Variants in IQGAP2 observed in about 807,000 individuals in gnomAD.
IQGAP2 encodes the protein IQ motif containing GTPase activating protein 2.
In IQGAP2, 173 loss-of-function variants were observed where a neutral mutation model predicts 201.3. The observed-to-expected ratio is 0.86, with a 90% confidence interval of 0.76 to 0.98. The LOEUF (loss-of-function observed/expected upper bound fraction) is 0.98, where lower values mean the gene tolerates loss of function less well. Among genes scored for constraint, IQGAP2 ranks in the 50% least tolerant of loss-of-function variants. The probability of loss-of-function intolerance (pLI) is 0.00; values close to 1 mark genes in which losing one functional copy is unlikely to be tolerated. For missense variants in IQGAP2, 1,687 were observed against 1,864.8 expected, an observed-to-expected ratio of 0.90 and a Z score of 1.76; for synonymous variants, 675 against 673.9, an observed-to-expected ratio of 1.00 and a Z score of -0.03.
At chr5:76,520,832 C>G (rs1266064508) in intron 2 of IQGAP2, among the ~76,000 whole-genome samples, 1 of 151,820 alleles carries the variant, frequency 6.6e-6, no homozygotes. Flanking sequence ...GTCAGCCTCC[C>G]GAGTGGATGG....
chr5:76,698,405 T>C (rs41271842), intron 33 of IQGAP2, among the ~76,000 whole-genome samples: 233 of 152,334 alleles, frequency 1.5e-3, no homozygotes, highest in Non-Finnish European at 2.5e-3. Flanking sequence ...ATTAGTAAGT[T>C]AGGGAAGCAC....
intron 2 of IQGAP2, among the ~76,000 whole-genome samples, chr5:76,484,329 A>T (rs770531383): frequency 1.3e-5 from 2 of 152,168 alleles, no homozygotes; most frequent in African/African-American, 2.4e-5. Flanking sequence ...GCCATTGCAG[A>T]TGTGGGGGCG....
chr5:76,457,844 T>C (rs1441427591), intron 1 of IQGAP2, among the ~76,000 whole-genome samples: 1 of 152,276 alleles, frequency 6.6e-6, no homozygotes, highest in East Asian at 1.9e-4. Flanking sequence ...TTTCATAGAA[T>C]GCAATTGCTT....
chr5:76,629,151 A>G (rs1341674865), intron 14 of IQGAP2, among the ~76,000 whole-genome samples: 1 of 152,134 alleles, frequency 6.6e-6, no homozygotes, highest in Admixed American at 6.5e-5. Flanking sequence ...CACATCTAAA[A>G]TCCTATCTTT....
chr5:76,564,691 G>A (rs957540056), intron 3 of IQGAP2, among the ~76,000 whole-genome samples: 6 of 152,146 alleles, frequency 3.9e-5, no homozygotes, highest in South Asian at 4.1e-4. Flanking sequence ...AATAATATTC[G>A]CAATTTCTGG....
chr5:76,639,172 A>T, intron 16 of IQGAP2, among the ~76,000 whole-genome samples: 1 of 152,204 alleles, frequency 6.6e-6, no homozygotes, highest in East Asian at 1.9e-4. Flanking sequence ...GATAGAGCAA[A>T]TATTCTCATC....
At chr5:76,429,810 G>A (rs1752257886) in intron 1 of IQGAP2, among the ~76,000 whole-genome samples, 1 of 150,818 alleles carries the variant, frequency 6.6e-6, no homozygotes, top group Admixed American at 6.6e-5. Flanking sequence ...TCAATCCCAA[G>A]TTCACTAAGG....
intron 2 of IQGAP2, among the ~76,000 whole-genome samples, chr5:76,529,290 A>G (rs1275068258): frequency 6.6e-6 from 1 of 152,192 alleles, no homozygotes; most frequent in African/African-American, 2.4e-5. Context: ...TGGTTTTTAC[A>G]TGGAGCTTCA....
Position 76,654,965 on chromosome 5 carries a change from T to G in IQGAP2, c.2282T>G (p.Leu761Trp), listed in dbSNP as rs1561555556. 4 of 1,613,134 alleles carry G rather than the reference T, an allele frequency of 2.5e-6. No individual in the cohort carries two copies. Among genetic ancestry groups the G allele is most frequent in the Non-Finnish European group, 3.4e-6 (4 of 1,179,260 alleles). Residue 761 changes from leucine to tryptophan, a missense_variant, in exon 20 of 36, where the codon TTG (leucine) becomes TGG (tryptophan). Physicochemically the swap from Leu to Trp is moderately conservative, Grantham distance 61 (BLOSUM62 -2). Coordinates refer to ENST00000274364, the MANE Select transcript of IQGAP2 (RefSeq NM_006633.5). ...NNEIVKIQSLLRANKARDDYK... is the reference protein window; with the variant it reads ...NNEIVKIQSLWRANKARDDYK... ...GAAATTGTGAAAATACAGTCACTGT[T>G]GAGAGCGAACAAAGCTAGAGATGAC...
chr5:76,562,876 A>C lies in IQGAP2; in HGVS notation c.303+324A>C, dbSNP rs1010238767. Among the ~76,000 whole-genome samples, 6 of 152,264 alleles carry C rather than the reference A, an allele frequency of 3.9e-5. No homozygotes were observed. The South Asian group carries it at 1.0e-3, about 26-fold the overall frequency. On this transcript the variant is annotated intron_variant, in intron 3 of 35. Transcript: ENST00000274364. The stretch of plus-strand genomic sequence containing the variant: ...ATGCTACCACTCCTTTTTTCACTTG[A>C]ACTTGTGGCCCTAAAGAGTTAGGGC...
At chr5:76,646,333 G>T (rs1049056979) in intron 17 of IQGAP2, among the ~76,000 whole-genome samples, 11 of 152,122 alleles carry the variant, frequency 7.2e-5, no homozygotes, top group African/African-American at 2.7e-4. Context: ...TTTCTAAACG[G>T]ATAATTAATT....
At chr5:76,570,755 A>C in intron 4 of IQGAP2, 98 bp downstream of exon 4, 1 of 811,834 alleles carries the variant, frequency 1.2e-6, no homozygotes, top group East Asian at 2.4e-5. Context: ...GGTTATGTTA[A>C]TGTAGAAATG....
At chr5:76,656,826 A>G (rs1213158631) in intron 20 of IQGAP2, among the ~76,000 whole-genome samples, 3 of 152,182 alleles carry the variant, frequency 2.0e-5, no homozygotes, top group Non-Finnish European at 4.4e-5. Flanking sequence ...TATGGTAACC[A>G]AAACATAAAT....
intron 2 of IQGAP2, among the ~76,000 whole-genome samples, chr5:76,540,703 A>G (rs2150219323): frequency 6.6e-6 from 1 of 152,306 alleles, no homozygotes; most frequent in South Asian, 2.1e-4. Flanking sequence ...TTCAAGAAGG[A>G]AAAGATGTTC....
rs377573714 is a variant in IQGAP2, at chr5:76,592,904, G to A, written c.886G>A (p.Gly296Ser). 2 of 1,609,334 alleles carry A rather than the reference G, an allele frequency of 1.2e-6. No individual in the cohort carries two copies. The highest frequency in any genetic ancestry group is 1.3e-5 in the African/African-American group (1 of 74,808). The change falls in exon 9 of 36, where the codon GGC (glycine) becomes AGC (serine). Residue 296 changes from glycine to serine, a missense_variant. Physicochemically the swap from Gly to Ser is moderately conservative, Grantham distance 56. Transcript: ENST00000274364. ...ACTGCTGACACAAGCAGAAATCCAA[G>A]GCAATATTAATAAAGTCAACAGTAA... The part of the protein sequence containing the change: ...EELLTQAEIQ[G>S]NINKVNRQAA...
At chr5:76,617,804 CT>C (rs866935516) in intron 13 of IQGAP2, 4 of 1,613,806 alleles carry the variant, frequency 2.5e-6, no homozygotes, top group Non-Finnish European at 3.4e-6. Context: ...GGAGACTCGC[CT>C]TAACATACCA....
intron 15 of IQGAP2, among the ~76,000 whole-genome samples, chr5:76,634,236 A>G (rs1450972799): frequency 6.6e-6 from 1 of 150,496 alleles, no homozygotes; most frequent in Non-Finnish European, 1.5e-5. Flanking sequence ...AGAGACCCAT[A>G]GCCTGCAAAA....
chr5:76,572,640 G>A (rs914799475), intron 4 of IQGAP2, among the ~76,000 whole-genome samples: 9 of 151,996 alleles, frequency 5.9e-5, no homozygotes, highest in African/African-American at 1.9e-4. Context: ...GTTTCCACAT[G>A]TTGGCCAGGC....
At chr5:76,619,514 C>CCTTTTTT (rs1561518620) in intron 13 of IQGAP2, among the ~76,000 whole-genome samples, 2 of 104,266 alleles carry the variant, frequency 1.9e-5, no homozygotes, top group East Asian at 2.5e-4. Flanking sequence ...TAAGGATCTT[C>CCTTTTTT]TTTTTTTTTT....
Sources: gnomAD v4.1 joint callset for allele counts (sites outside exome capture counted in the v4.1 genomes callset) on GRCh38, gnomAD v4.1.1 for gene constraint, MANE v1.5 for transcripts, NCBI Gene and HGNC (gene_info 2026-07-23, HGNC 2026-07-21) for gene names.